SEMA3A: variants seen among roughly 807,000 people sequenced by gnomAD.
SEMA3A encodes the protein semaphorin 3A.
Under a neutral mutation model 97.9 loss-of-function variants are expected in SEMA3A, and 29 were observed. The observed-to-expected ratio is 0.30, with a 90% CI of 0.22 to 0.40. The LOEUF (loss-of-function observed/expected upper bound fraction) is 0.40, where lower values mean the gene tolerates loss of function less well. SEMA3A is among the 10% of genes least tolerant of loss of function. The pLI is 1.00. For missense variants in SEMA3A, 763 were observed against 951.3 expected (o/e 0.80, Z 2.60); for synonymous variants, 321 against 323.7 (o/e 0.99, Z 0.09).
intron 3 of SEMA3A, among the ~76,000 whole-genome samples, chr7:84,271,392 A>C (rs2115704145): frequency 6.6e-6 from 1 of 152,212 alleles, no homozygotes; most frequent in South Asian, 2.1e-4. Context: ...ACACACATTT[A>C]AAGAGACTAA....
At chr7:84,004,597 A>ATATC (rs1193397397) in intron 11 of SEMA3A, among the ~76,000 whole-genome samples, 2 of 152,174 alleles carry the variant, frequency 1.3e-5, no homozygotes, top group Admixed American at 6.6e-5. Flanking sequence ...TTTGAGTAAT[A>ATATC]TATCTTTGTT....
intron 13 of SEMA3A, among the ~76,000 whole-genome samples, chr7:83,984,116 CAG>C (rs1344380903): frequency 6.6e-6 from 1 of 151,876 alleles, no homozygotes; most frequent in Admixed American, 6.6e-5. Flanking sequence ...AAATGTAAAA[CAG>C]AAAGAAATGG....
intron 4 of SEMA3A, among the ~76,000 whole-genome samples, chr7:84,091,300 AAAAG>A (rs141527267): frequency 1.6e-4 from 10 of 60,752 alleles, no homozygotes; most frequent in Admixed American, 7.5e-4. Context: ...AAGAAAAAGA[AAAAG>A]AAAGGAAGGA....
At chr7:84,431,621 A>AC (rs1172400031) in intron 1 of SEMA3A, among the ~76,000 whole-genome samples, 1 of 145,836 alleles carries the variant, frequency 6.9e-6, no homozygotes, top group East Asian at 3.1e-4. Flanking sequence ...TAAAAATCAG[A>AC]GTTTTTTTTT....
intron 1 of SEMA3A, among the ~76,000 whole-genome samples, chr7:84,480,890 A>ATAATAAAT (rs1392815616): frequency 6.6e-6 from 1 of 152,018 alleles, no homozygotes; most frequent in Non-Finnish European, 1.5e-5. Context: ...AGCATACCAA[A>ATAATAAAT]AATAAAATAA....
chr7:84,344,152 T>C (rs1209721083), intron 2 of SEMA3A, among the ~76,000 whole-genome samples: 1 of 152,174 alleles, frequency 6.6e-6, no homozygotes, highest in Non-Finnish European at 1.5e-5. Context: ...CTGCAATTTG[T>C]TCAAATGGAA....
At position 84,007,409 on chromosome 7, in the gene SEMA3A, G is replaced by T; in HGVS notation, c.1084C>A (p.Pro362Thr). 6.2e-7 allele frequency: 1 copy of T among 1,609,266 alleles called. No individual in the cohort carries two copies. Among genetic ancestry groups the T allele is most frequent in the Non-Finnish European group, 8.5e-7 (1 of 1,177,728 alleles). The change falls in exon 10 of 17, where the codon CCC becomes ACC. Residue 362 changes from proline to threonine, a missense_variant. Coordinates refer to ENST00000265362, the MANE Select transcript of SEMA3A (RefSeq NM_006080.3). ...FLGPYAHRDG[P>T]NYQWVPYQGR... The stretch of plus-strand genomic sequence containing the variant: ...TGATAAGGCACCCATTGATAGTTGG[G>T]TCCATCCCTGTGGGCATATGGACCA...
rs947851752 is a variant in SEMA3A at position 84,001,641 on chromosome 7, T to C, written c.1452+314A>G. On this transcript the variant is annotated intron_variant, in intron 12 of 16. Transcript: ENST00000265362. The stretch of plus-strand genomic sequence containing the variant: ...GTTATACTATCATGTGTAAAATAGA[T>C]TTTAGGAGTGGGGAAGAGTTTGTTC... Among the ~76,000 whole-genome samples, 3 of 151,060 alleles carry C rather than the reference T, an allele frequency of 2.0e-5. No individual in the cohort carries two copies. In the Admixed American group the frequency reaches 2.0e-4, roughly 10 times the overall value.
intron 3 of SEMA3A, among the ~76,000 whole-genome samples, chr7:84,242,607 C>A (rs1044592618): frequency 2.6e-5 from 4 of 152,070 alleles, no homozygotes; most frequent in Non-Finnish European, 5.9e-5. Context: ...TACTTGAATA[C>A]CCCTTGAATA....
intron 1 of SEMA3A, among the ~76,000 whole-genome samples, chr7:84,150,499 G>A (rs1315553612): frequency 6.6e-6 from 1 of 152,134 alleles, no homozygotes; most frequent in Non-Finnish European, 1.5e-5. Context: ...TGGAGAATCG[G>A]GTCACTCCCA....
Position 84,044,418 on chromosome 7 carries a change from C to A in SEMA3A, c.667+1906G>T, listed in dbSNP as rs146424704. On this transcript the variant is annotated intron_variant, in intron 6 of 16. Transcript: ENST00000265362. ...CTACATGTCTAATCCCCTTTGATTA[C>A]CACAGTGTTTGTATGCAATCATCAA... Among the ~76,000 whole-genome samples the A allele has an allele frequency of 1.2e-3, 182 of 152,080 alleles. 1 individual carries two copies. In the East Asian group the frequency reaches 0.016, roughly 13 times the overall value.
intron 4 of SEMA3A, among the ~76,000 whole-genome samples, chr7:84,089,146 T>C (rs919869859): frequency 6.6e-6 from 1 of 152,100 alleles, no homozygotes; most frequent in Non-Finnish European, 1.5e-5. Context: ...TTGCAGCATA[T>C]TGTCAGAGGA....
At chr7:84,329,110 A>G (rs1216409512) in intron 2 of SEMA3A, among the ~76,000 whole-genome samples, 1 of 151,920 alleles carries the variant, frequency 6.6e-6, no homozygotes, top group Non-Finnish European at 1.5e-5. Context: ...ACTTTTAAGA[A>G]AAAAAAACCC....
intron 1 of SEMA3A, among the ~76,000 whole-genome samples, chr7:84,483,106 G>T: frequency 6.6e-6 from 1 of 152,096 alleles, no homozygotes; most frequent in South Asian, 2.1e-4. Context: ...TAAAGCACAG[G>T]ATTGCATTTG....
chr7:84,230,668 T>C (rs1195934233), intron 3 of SEMA3A, among the ~76,000 whole-genome samples: 2 of 151,944 alleles, frequency 1.3e-5, no homozygotes, highest in Admixed American at 1.3e-4. Context: ...TCGGCTCTTA[T>C]GTTTGTTGTC....
At chr7:84,171,955 T>C (rs931077473) in intron 1 of SEMA3A, among the ~76,000 whole-genome samples, 8 of 152,200 alleles carry the variant, frequency 5.3e-5, no homozygotes, top group African/African-American at 1.9e-4. Context: ...CATTAACTTA[T>C]AAGTTCAAGT....
At chr7:84,159,876 T>G (rs1796971853) in intron 1 of SEMA3A, among the ~76,000 whole-genome samples, 1 of 152,154 alleles carries the variant, frequency 6.6e-6, no homozygotes, top group Admixed American at 6.5e-5. Flanking sequence ...AATATGAGTT[T>G]CATAATTTGT....
At chr7:84,007,104 T>C (rs1790697858) in intron 10 of SEMA3A, among the ~76,000 whole-genome samples, 1 of 152,122 alleles carries the variant, frequency 6.6e-6, no homozygotes, top group Admixed American at 6.5e-5. Context: ...GGTCAAAAAT[T>C]AAAATAAGAT....
intron 6 of SEMA3A, among the ~76,000 whole-genome samples, chr7:84,039,863 T>C (rs1792072004): frequency 6.6e-6 from 1 of 152,092 alleles, no homozygotes; most frequent in African/African-American, 2.4e-5. Flanking sequence ...ACACAATTTC[T>C]AGGTATAATT....
Sources: allele counts gnomAD v4.1 joint callset (sites outside exome capture counted in the v4.1 genomes callset), GRCh38; gene constraint gnomAD v4.1.1; transcripts MANE v1.5; gene names NCBI Gene and HGNC (gene_info 2026-07-23, HGNC 2026-07-21).